The following JARID2 variants were observed in gnomAD, a reference collection of about 807,000 sequenced individuals.
JARID2 encodes protein Jumonji.
JARID2 carries 21 observed loss-of-function variants against 125.6 expected under a neutral mutation model. The ratio of observed to expected loss-of-function variants is 0.17; its 90% CI spans 0.12 to 0.24. The LOEUF (loss-of-function observed/expected upper bound fraction) is 0.24. Ranked by LOEUF, JARID2 falls within the 10% of genes least tolerant of loss-of-function variation. JARID2 has a pLI of 1.00. For missense variants in JARID2, 1,303 were observed against 1,639.6 expected (o/e 0.79, Z 3.55); for synonymous variants, 736 against 661.6 (o/e 1.11, Z -1.73).
chr6:15,518,849 G>C (rs1031257399), intron 17 of JARID2, among the ~76,000 whole-genome samples: 3 of 152,170 alleles, frequency 2.0e-5, no homozygotes, highest in Admixed American at 2.0e-4. Flanking sequence ...CAACCTCCCA[G>C]TGTGCCCAGT....
chr6:15,370,507 T>C (rs9396583), intron 1 of JARID2, among the ~76,000 whole-genome samples: 19,678 of 151,698 alleles, frequency 0.13, 1,386 homozygotes, highest in Middle Eastern at 0.22. Context: ...CCGGCTAATA[T>C]TTTGTATTTT....
chr6:15,275,524 G>GCCC (rs1364021178), intron 1 of JARID2, among the ~76,000 whole-genome samples: 91 of 6,756 alleles, frequency 0.013, 3 homozygotes, highest in East Asian at 0.025. Context: ...TCCATTTACC[G>GCCC]CCCCCCCCGC....
chr6:15,400,889 TCCTC>T lies in JARID2; in HGVS notation c.182-9322_182-9319del, dbSNP rs1390092717. 6.2e-6 allele frequency: 8 copies of T among 1,287,366 alleles called. No homozygotes were observed. The African/African-American group carries it at 7.6e-5, about 12-fold the overall frequency. The allele number at this position is 1,287,366 out of a possible 1,614,324, so 79.7% of individuals were successfully genotyped here. On this transcript the variant is annotated intron_variant, in intron 2 of 17. Coordinates refer to ENST00000341776, the MANE Select transcript of JARID2 (RefSeq NM_004973.4). Reference sequence around the variant, plus strand: ...TCCGGAGCCTGCCTCACTGCGCTCTTCCTCCCTCCCTCCCTCTGTCCTTCTTCCT... The same window carrying T: ...TCCGGAGCCTGCCTCACTGCGCTCTTCCTCCCTCCCTCTGTCCTTCTTCCT...
intron 1 of JARID2, chr6:15,247,976 C>T: frequency 1.0e-6 from 1 of 985,476 alleles, no homozygotes; most frequent in Non-Finnish European, 1.2e-6. Context: ...CGGATGCAGC[C>T]ACAAAGCAAA....
chr6:15,278,724 C>T (rs1037238748), intron 1 of JARID2, among the ~76,000 whole-genome samples: 1 of 152,198 alleles, frequency 6.6e-6, no homozygotes, highest in Non-Finnish European at 1.5e-5. Context: ...AGTCTCATAT[C>T]TGCCATACCT....
At chr6:15,514,950 T>A (rs931052905) in intron 16 of JARID2, among the ~76,000 whole-genome samples, 1 of 152,242 alleles carries the variant, frequency 6.6e-6, no homozygotes, top group Non-Finnish European at 1.5e-5. Context: ...ATTTGGTTCT[T>A]AAAAGAAAAT....
chr6:15,264,396 G>T (rs1760000329), intron 1 of JARID2, among the ~76,000 whole-genome samples: 1 of 152,102 alleles, frequency 6.6e-6, no homozygotes, highest in Non-Finnish European at 1.5e-5. Context: ...CAAGGTCATT[G>T]TCAAAAAATT....
At chr6:15,466,284 G>C (rs192114307) in intron 4 of JARID2, among the ~76,000 whole-genome samples, 119 of 148,318 alleles carry the variant, frequency 8.0e-4, no homozygotes, top group Middle Eastern at 7.1e-3. Flanking sequence ...ATTGGCTGCA[G>C]AAGTTTCTAT....
intron 5 of JARID2, among the ~76,000 whole-genome samples, chr6:15,482,682 G>A (rs1769678410): frequency 6.6e-6 from 1 of 152,180 alleles, no homozygotes; most frequent in South Asian, 2.1e-4. Flanking sequence ...AAATATGTAT[G>A]TACATGGGAA....
chr6:15,256,021 C>T (rs1271411143), intron 1 of JARID2, among the ~76,000 whole-genome samples: 3 of 152,122 alleles, frequency 2.0e-5, no homozygotes, highest in African/African-American at 7.2e-5. Context: ...GCTATTTCCT[C>T]ATCTGGACAA....
intron 1 of JARID2, among the ~76,000 whole-genome samples, chr6:15,326,921 T>A (rs1404200920): frequency 6.6e-6 from 1 of 152,254 alleles, no homozygotes; most frequent in African/African-American, 2.4e-5. Context: ...TCAAATAAGG[T>A]CTATACATTG....
chr6:15,497,533 C>G (rs1361744252), intron 7 of JARID2, among the ~76,000 whole-genome samples: 5 of 151,964 alleles, frequency 3.3e-5, no homozygotes, highest in African/African-American at 1.2e-4. Context: ...GCCTGTAGTC[C>G]CAGCTACTTG....
intron 1 of JARID2, among the ~76,000 whole-genome samples, chr6:15,321,783 G>GTTTTTTTT (rs71687714): frequency 7.3e-5 from 5 of 68,500 alleles, no homozygotes; most frequent in African/African-American, 2.3e-4. Context: ...AAGAATTCTT[G>GTTTTTTTT]TTTTTTTTTT....
At chr6:15,249,377 T>C (rs972460352) in intron 1 of JARID2, among the ~76,000 whole-genome samples, 1 of 152,060 alleles carries the variant, frequency 6.6e-6, no homozygotes, top group African/African-American at 2.4e-5. Context: ...ACCTACTGAC[T>C]GTTATTTTGG....
intron 1 of JARID2, among the ~76,000 whole-genome samples, chr6:15,351,944 A>G (rs886936333): frequency 6.6e-6 from 1 of 152,190 alleles, no homozygotes; most frequent in South Asian, 2.1e-4. Flanking sequence ...GATGGTATTA[A>G]AGAGCAGTTA....
At chr6:15,434,056 A>G (rs1039970869) in intron 3 of JARID2, among the ~76,000 whole-genome samples, 26 of 151,868 alleles carry the variant, frequency 1.7e-4, no homozygotes, top group Admixed American at 3.9e-4. Flanking sequence ...GGCATGAGAC[A>G]GTTTATACCC....
chr6:15,283,372 A>T (rs1226826534), intron 1 of JARID2, among the ~76,000 whole-genome samples: 7 of 133,040 alleles, frequency 5.3e-5, no homozygotes, highest in Admixed American at 2.5e-4. Flanking sequence ...ATGGAGTCTC[A>T]CTCTGTGGCT....
chr6:15,329,365 G>A (rs917248229), intron 1 of JARID2, among the ~76,000 whole-genome samples: 1 of 152,138 alleles, frequency 6.6e-6, no homozygotes, highest in African/African-American at 2.4e-5. Context: ...GCAGCAAGCA[G>A]GGGTAGGGTT....
At chr6:15,445,601 ACT>A (rs1767639171) in intron 3 of JARID2, among the ~76,000 whole-genome samples, 1 of 151,768 alleles carries the variant, frequency 6.6e-6, no homozygotes, top group Non-Finnish European at 1.5e-5. Context: ...AAGTACAAAT[ACT>A]CTCTGATGTA....
Sources: allele counts gnomAD v4.1 joint callset (sites outside exome capture counted in the v4.1 genomes callset), GRCh38; gene constraint gnomAD v4.1.1; transcripts MANE v1.5; gene names NCBI Gene and HGNC (gene_info 2026-07-23, HGNC 2026-07-21).